PRMT8: variants seen among roughly 807,000 people sequenced by gnomAD.
PRMT8 encodes the protein protein arginine N-methyltransferase 8.
Under a neutral mutation model 47.1 loss-of-function variants are expected in PRMT8, and 7 were observed. The observed-to-expected ratio is 0.15, with a 90% CI of 0.08 to 0.28. The LOEUF is 0.28. PRMT8 is among the 10% of genes least tolerant of loss of function. PRMT8 has a pLI of 1.00. For missense variants in PRMT8, 237 were observed against 505.4 expected, an observed-to-expected ratio of 0.47 and a Z score of 5.09; for synonymous variants, 188 against 186.5, an observed-to-expected ratio of 1.01 and a Z score of -0.07.
At chr12:3,412,401 C>T (rs1864440256) in intron 1 of PRMT8, among the ~76,000 whole-genome samples, 1 of 152,184 alleles carries the variant, frequency 6.6e-6, no homozygotes, top group Non-Finnish European at 1.5e-5. Context: ...AAACACTACA[C>T]TTAGGCTACA....
rs116885356 is a variant in PRMT8, at chr12:3,519,765, G to T, written c.76-20841G>T. On this transcript the variant is annotated intron_variant, in intron 1 of 9. Coordinates refer to ENST00000382622, the MANE Select transcript of PRMT8 (RefSeq NM_019854.5). Reference sequence around the variant, plus strand: ...TCCAAGGACTACAGGGCCAGCAAATGGTGAGAAAAAGGGCTGCAGGGTTGG... The same window carrying T: ...TCCAAGGACTACAGGGCCAGCAAATTGTGAGAAAAAGGGCTGCAGGGTTGG... Among the ~76,000 whole-genome samples, 184 of 152,250 alleles carry T rather than the reference G, an allele frequency of 1.2e-3. No homozygotes were observed. The East Asian group carries it at 0.019, about 15-fold the overall frequency.
intron 1 of PRMT8, among the ~76,000 whole-genome samples, chr12:3,531,217 T>C (rs1866025952): frequency 6.6e-6 from 1 of 152,008 alleles, no homozygotes. Context: ...CATCTGCCCA[T>C]AAAAGAGAGT....
chr12:3,463,834 A>G (rs1865063488), intron 1 of PRMT8, among the ~76,000 whole-genome samples: 2 of 152,218 alleles, frequency 1.3e-5, no homozygotes, highest in Non-Finnish European at 1.5e-5. Flanking sequence ...TCATCTTACA[A>G]TGGTGATGGT....
At chr12:3,421,294 C>T (rs567159300) in intron 1 of PRMT8, among the ~76,000 whole-genome samples, 133 of 152,320 alleles carry the variant, frequency 8.7e-4, no homozygotes, top group South Asian at 1.9e-3. Context: ...GAAGGACACT[C>T]CTGCAAGCCA....
At chr12:3,388,682 A>C (rs972428374) in intron 1 of PRMT8, among the ~76,000 whole-genome samples, 1 of 152,168 alleles carries the variant, frequency 6.6e-6, no homozygotes, top group African/African-American at 2.4e-5. Flanking sequence ...ACAGCTAATA[A>C]GGGACAGAGC....
intron 1 of PRMT8, among the ~76,000 whole-genome samples, chr12:3,432,274 T>C (rs559622602): frequency 6.6e-6 from 1 of 152,246 alleles, no homozygotes; most frequent in African/African-American, 2.4e-5. Flanking sequence ...TCACTTTCCA[T>C]TTTGCAGGAA....
At position 3,575,099 on chromosome 12, in the gene PRMT8, G is replaced by A. The variant is rs572259273; in HGVS notation, c.713-1772G>A. Among the ~76,000 whole-genome samples, 13 of 152,322 alleles carry A rather than the reference G, an allele frequency of 8.5e-5. No individual in the cohort carries two copies. In the South Asian group the frequency reaches 2.7e-3, roughly 32 times the overall value. Reference sequence around the variant, plus strand: ...AGCCTCGGGTGATTTAATGGGATTTGATGGGCATCTTTTCCTCAAACTGGA... The same window carrying A: ...AGCCTCGGGTGATTTAATGGGATTTAATGGGCATCTTTTCCTCAAACTGGA... On this transcript the variant is annotated intron_variant, in intron 6 of 9. Transcript: ENST00000382622.
chr12:3,393,158 T>C (rs1864212553), intron 1 of PRMT8, among the ~76,000 whole-genome samples: 1 of 152,234 alleles, frequency 6.6e-6, no homozygotes, highest in Non-Finnish European at 1.5e-5. Flanking sequence ...TCCCATTTTG[T>C]AGGTTGCCTG....
In PRMT8 at chr12:3,422,357, A is replaced by T. The variant is rs74057404; in HGVS notation, c.48+40915A>T. Among the ~76,000 whole-genome samples, 632 of 152,322 alleles carry T rather than the reference A, an allele frequency of 4.1e-3. 2 individuals are homozygous for T. The highest frequency in any genetic ancestry group is 0.014 in the African/African-American group (597 of 41,568). ...AAATTTTGGCTTTGCCTCAAATTTA[A>T]TTTGTGTAGCCTCAGCTGTAGCAGC... On this transcript the variant is annotated intron_variant, in intron 1 of 9. Transcript: ENST00000452611.
chr12:3,518,056 A>G (rs1236494386), intron 1 of PRMT8, among the ~76,000 whole-genome samples: 1 of 149,958 alleles, frequency 6.7e-6, no homozygotes, highest in African/African-American at 2.4e-5. Context: ...AAAAAAAAGC[A>G]TAGTAAACAG....
chr12:3,408,767 G>A (rs1864398242), intron 1 of PRMT8, among the ~76,000 whole-genome samples: 1 of 152,172 alleles, frequency 6.6e-6, no homozygotes, highest in African/African-American at 2.4e-5. Context: ...TGCCGGTTGG[G>A]CAGGCTGTGG....
At chr12:3,577,657 A>G (rs558396679) in intron 7 of PRMT8, among the ~76,000 whole-genome samples, 13 of 144,842 alleles carry the variant, frequency 9.0e-5, no homozygotes, top group South Asian at 8.7e-4. Flanking sequence ...AACTTAAAAC[A>G]TTAAGAGACT....
intron 1 of PRMT8, among the ~76,000 whole-genome samples, chr12:3,470,110 T>C (rs1376110398): frequency 1.3e-5 from 2 of 151,894 alleles, no homozygotes; most frequent in Non-Finnish European, 1.5e-5. Context: ...TTATAACGAA[T>C]ACACATAAAA....
chr12:3,522,466 C>G (rs760086245), intron 1 of PRMT8, among the ~76,000 whole-genome samples: 21 of 152,138 alleles, frequency 1.4e-4, no homozygotes, highest in Admixed American at 2.6e-4. Context: ...GAGTTCGAGA[C>G]CAGCCTGGCC....
At chr12:3,504,923 G>T (rs1362347490) in intron 1 of PRMT8, among the ~76,000 whole-genome samples, 1 of 67,388 alleles carries the variant, frequency 1.5e-5, no homozygotes, top group Non-Finnish European at 3.0e-5. Context: ...TTCTTAAGCC[G>T]GTCTGAAAAG....
chr12:3,490,675 A>AAGAG (rs370069857), upstream of PRMT8, among the ~76,000 whole-genome samples: 2,215 of 121,076 alleles, frequency 0.018, 44 homozygotes, highest in East Asian at 0.035. Context: ...TTTGGGTACA[A>AAGAG]AGAGAGAGAG....
intron 1 of PRMT8, among the ~76,000 whole-genome samples, chr12:3,442,863 T>A (rs1037026987): frequency 5.9e-5 from 9 of 152,130 alleles, no homozygotes; most frequent in Admixed American, 5.9e-4. Context: ...TTCACTATGT[T>A]GGCCAGGCTG....
intron 1 of PRMT8, among the ~76,000 whole-genome samples, chr12:3,532,938 G>T (rs1312488129): frequency 6.6e-6 from 1 of 152,168 alleles, no homozygotes; most frequent in Non-Finnish European, 1.5e-5. Flanking sequence ...TGGCTCAGCC[G>T]AGGGTCCTGG....
chr12:3,568,895 G>A (rs767071200), intron 5 of PRMT8, 47 bp downstream of exon 5: 5 of 1,610,316 alleles, frequency 3.1e-6, no homozygotes, highest in Non-Finnish European at 4.2e-6. Flanking sequence ...TGGCTGTCCT[G>A]CTCCTCTACC....
Sources: allele counts gnomAD v4.1 joint callset (sites outside exome capture counted in the v4.1 genomes callset), GRCh38; gene constraint gnomAD v4.1.1; transcripts MANE v1.5; gene names NCBI Gene and HGNC (gene_info 2026-07-23, HGNC 2026-07-21).